CEACAM18: variants seen among roughly 807,000 people sequenced by gnomAD.
CEACAM18 encodes cell adhesion molecule CEACAM18.
In CEACAM18, 33 loss-of-function variants were observed where a neutral mutation model predicts 34.3. The observed-to-expected ratio is 0.96, with a 90% CI of 0.73 to 1.29. The LOEUF is 1.29. CEACAM18 is among the 50% of genes most tolerant of loss of function. CEACAM18 has a pLI of 0.00. For synonymous variants in CEACAM18, 169 were observed against 180.9 expected, an observed-to-expected ratio of 0.93 and a Z score of 0.53; for missense variants, 474 against 485.0, an observed-to-expected ratio of 0.98 and a Z score of 0.21.
chr19:51,490,763 C>G (rs1307735121), exon 6 of CEACAM18: 1 of 533,318 alleles, frequency 1.9e-6, no homozygotes, highest in Non-Finnish European at 2.9e-6. Context: ...CCCAGTCACA[C>G]GGAAGCCTGG....
At chr19:51,486,064 T>C (rs1382880136) in intron 5 of CEACAM18, among the ~76,000 whole-genome samples, 1 of 151,966 alleles carries the variant, frequency 6.6e-6, no homozygotes, top group Non-Finnish European at 1.5e-5. Context: ...GGAATGGCAA[T>C]GATGATGTAG....
intron 3 of CEACAM18, among the ~76,000 whole-genome samples, chr19:51,482,274 TA>T (rs1989930602): frequency 1.3e-5 from 2 of 152,204 alleles, no homozygotes; most frequent in African/African-American, 4.8e-5. Flanking sequence ...GCTGAACTTA[TA>T]AATACATTAA....
chr19:51,483,974 G>T (rs1290479509), intron 4 of CEACAM18, among the ~76,000 whole-genome samples: 1 of 152,166 alleles, frequency 6.6e-6, no homozygotes, highest in Admixed American at 6.5e-5. Flanking sequence ...AAATGCAGGG[G>T]CTCTACAGCC....
In CEACAM18 at chr19:51,478,705, C is replaced by A. The variant is rs375101343; in HGVS notation, c.52+11C>A. 5.6e-6 allele frequency: 8 copies of A among 1,433,676 alleles called. No individual in the cohort carries two copies. The highest frequency in any genetic ancestry group is 1.5e-5 in the African/African-American group (1 of 68,134). The allele number at this position is 1,433,676 out of a possible 1,614,324, so 88.8% of individuals were successfully genotyped here. On this transcript the variant is annotated intron_variant, in intron 1 of 5. Coordinates refer to ENST00000396477, the Ensembl canonical transcript of CEACAM18. ...GGGTCTTCCTCATGGGTAAGAGATG[C>A]TGGATGCTGGATGAGCTTCCCAGGA...
intron 2 of CEACAM18, 49 bp from the exon 3 acceptor site, chr19:51,481,335 CAGAGCTTGG>C: frequency 9.4e-7 from 1 of 1,064,910 alleles, no homozygotes; most frequent in Non-Finnish European, 1.3e-6. Context: ...TGGAGAGGAG[CAGAGCTTGG>C]GGAAGCAGAC....
At chr19:51,480,411 G>A (rs1220816040) in exon 2 of CEACAM18, 4 of 1,613,006 alleles carry the variant, frequency 2.5e-6, no homozygotes, top group Admixed American at 3.3e-5. Context: ...AAGGGATATC[G>A]GACTGTCGTG....
intron 2 of CEACAM18, among the ~76,000 whole-genome samples, chr19:51,481,041 G>A (rs894013866): frequency 2.0e-5 from 3 of 152,222 alleles, no homozygotes; most frequent in African/African-American, 7.2e-5. Context: ...CTCAAATAAT[G>A]GAGTAGTATT....
exon 2 of CEACAM18, chr19:51,480,375 T>C: frequency 6.2e-7 from 1 of 1,612,652 alleles, no homozygotes; most frequent in Non-Finnish European, 8.5e-7. Context: ...TCTGGCCAAA[T>C]CTTCATCACC....
At chr19:51,482,555 G>T (rs533038972) in intron 3 of CEACAM18, among the ~76,000 whole-genome samples, 4 of 152,334 alleles carry the variant, frequency 2.6e-5, no homozygotes, top group South Asian at 4.1e-4. Context: ...GGCTGCAGCT[G>T]CTCAGGGCAG....
intron 4 of CEACAM18, among the ~76,000 whole-genome samples, chr19:51,484,341 T>A (rs964360364): frequency 6.7e-6 from 1 of 148,860 alleles, no homozygotes; most frequent in Non-Finnish European, 1.5e-5. Context: ...TTTAACAGAG[T>A]CTCGCTCTGT....
At chr19:51,483,468 G>A (rs1989952380) in intron 4 of CEACAM18, 172 bp downstream of exon 4, 2 of 735,214 alleles carry the variant, frequency 2.7e-6, no homozygotes, top group South Asian at 3.5e-5. Flanking sequence ...CCTCCTCTGT[G>A]AATCCTCTGG....
At chr19:51,481,232 T>C (rs985236577) in intron 2 of CEACAM18, among the ~76,000 whole-genome samples, 161 bp from the exon 3 acceptor site, 1 of 152,206 alleles carries the variant, frequency 6.6e-6, no homozygotes, top group African/African-American at 2.4e-5. Context: ...CATTGCCCTG[T>C]GCCTATTCCT....
chr19:51,487,460 A>G (rs1050708901), intron 5 of CEACAM18, among the ~76,000 whole-genome samples: 2 of 151,146 alleles, frequency 1.3e-5, no homozygotes, highest in Non-Finnish European at 3.0e-5. Flanking sequence ...GGCAACAGAC[A>G]CCCTGTATAA....
chr19:51,489,839 C>T (rs764143035), intron 5 of CEACAM18, among the ~76,000 whole-genome samples: 2 of 152,094 alleles, frequency 1.3e-5, no homozygotes, highest in Non-Finnish European at 2.9e-5. Context: ...ATTATTAATG[C>T]CATCATATTA....
At chr19:51,485,100 C>G (rs550365572) in exon 5 of CEACAM18, 1 of 1,527,930 alleles carries the variant, frequency 6.5e-7, no homozygotes, top group South Asian at 1.2e-5. Context: ...GATCCATGCT[C>G]TGATCAACCA....
At chr19:51,481,698 G>A in intron 3 of CEACAM18, 33 bp downstream of exon 3, 43 of 1,591,852 alleles carry the variant, frequency 2.7e-5, no homozygotes, top group Non-Finnish European at 3.6e-5. Context: ...ACTGAAGCCA[G>A]GGCTGGTCTC....
chr19:51,488,323 C>A (rs942134928), intron 5 of CEACAM18, among the ~76,000 whole-genome samples: 2 of 152,198 alleles, frequency 1.3e-5, no homozygotes, highest in Admixed American at 6.5e-5. Context: ...TGTGTACCAA[C>A]CCTTGTTCCA....
intron 1 of CEACAM18, 94 bp downstream of exon 1, chr19:51,478,788 C>T: frequency 3.4e-6 from 3 of 880,436 alleles, no homozygotes; most frequent in Non-Finnish European, 4.7e-6. Context: ...CCATCCCCAT[C>T]CACGGGCACA....
At chr19:51,488,510 T>C (rs1990039534) in intron 5 of CEACAM18, among the ~76,000 whole-genome samples, 1 of 152,190 alleles carries the variant, frequency 6.6e-6, no homozygotes, top group Non-Finnish European at 1.5e-5. Flanking sequence ...GTAATAATCA[T>C]AAATAGGTTC....
Sources: allele counts gnomAD v4.1 joint callset (sites outside exome capture counted in the v4.1 genomes callset), GRCh38; gene constraint gnomAD v4.1.1; transcripts MANE v1.5; gene names NCBI Gene and HGNC (gene_info 2026-07-23, HGNC 2026-07-21).